The following ATPAF1 variants were observed in gnomAD, a reference collection of about 807,000 sequenced individuals.
ATPAF1 encodes ATP synthase mitochondrial F1 complex assembly factor 1, also known as homolog of yeast ATP11.
ATPAF1 carries 26 observed loss-of-function variants against 43.9 expected under a neutral mutation model. The ratio of observed to expected loss-of-function variants is 0.59; its 90% CI spans 0.43 to 0.82. The LOEUF (loss-of-function observed/expected upper bound fraction) is 0.82. ATPAF1 is among the 40% of genes least tolerant of loss of function. The probability of loss-of-function intolerance (pLI) is 0.00; values close to 1 mark genes in which losing one functional copy is unlikely to be tolerated. For synonymous variants in ATPAF1, 157 were observed against 168.0 expected, an observed-to-expected ratio of 0.93 and a Z score of 0.50; for missense variants, 366 against 435.0, an observed-to-expected ratio of 0.84 and a Z score of 1.41.
At chr1:46,655,114 G>C (rs1273865430) in intron 4 of ATPAF1, among the ~76,000 whole-genome samples, 1 of 152,136 alleles carries the variant, frequency 6.6e-6, no homozygotes, top group Non-Finnish European at 1.5e-5. Flanking sequence ...CAGATCTCGT[G>C]AGAACTCATT....
At chr1:46,663,580 T>C (rs1676436259) in intron 2 of ATPAF1, among the ~76,000 whole-genome samples, 1 of 152,206 alleles carries the variant, frequency 6.6e-6, no homozygotes, top group Non-Finnish European at 1.5e-5. Context: ...ATAAATGTCT[T>C]CTTTTGAGAA....
intron 8 of ATPAF1, among the ~76,000 whole-genome samples, chr1:46,642,370 T>G (rs1156803518): frequency 2.0e-5 from 3 of 152,146 alleles, no homozygotes; most frequent in African/African-American, 7.2e-5. Flanking sequence ...GTCCACTGTT[T>G]GGGGACATTC....
intron 8 of ATPAF1, among the ~76,000 whole-genome samples, chr1:46,638,316 A>T (rs1675877919): frequency 6.6e-6 from 1 of 152,176 alleles, no homozygotes; most frequent in South Asian, 2.1e-4. Context: ...GGGTCCTCCT[A>T]CTACTTTAAA....
chr1:46,657,965 A>G (rs1265269529), intron 4 of ATPAF1, among the ~76,000 whole-genome samples, 162 bp downstream of exon 4: 2 of 152,220 alleles, frequency 1.3e-5, no homozygotes, highest in Non-Finnish European at 2.9e-5. Context: ...GACAAAGAAG[A>G]CAAGTTTTCT....
intron 8 of ATPAF1, among the ~76,000 whole-genome samples, chr1:46,639,860 CAAT>C (rs1313043606): frequency 6.6e-6 from 1 of 152,134 alleles, no homozygotes; most frequent in East Asian, 1.9e-4. Context: ...CAAATTTTAA[CAAT>C]GATGAGAACT....
chr1:46,665,351 C>T, exon 2 of ATPAF1: 1 of 1,614,226 alleles, frequency 6.2e-7, no homozygotes, highest in South Asian at 1.1e-5. Context: ...GACTCAAAAG[C>T]AGCTGGGTCT....
At chr1:46,645,161 C>T (rs140170988) in exon 7 of ATPAF1, 21 of 1,611,558 alleles carry the variant, frequency 1.3e-5, no homozygotes, top group Non-Finnish European at 1.7e-5. Flanking sequence ...AGCCACCTAC[C>T]TGAATATTTA....
exon 9 of ATPAF1, chr1:46,635,290 T>G (rs1311640238): frequency 6.4e-6 from 1 of 155,824 alleles, no homozygotes; most frequent in Non-Finnish European, 1.4e-5. Flanking sequence ...ATCTGGTTAT[T>G]CTACAGTTTA....
At chr1:46,635,677 G>C (rs982549603) in exon 9 of ATPAF1, 2 of 1,209,200 alleles carry the variant, frequency 1.7e-6, no homozygotes, top group Non-Finnish European at 2.3e-6. Flanking sequence ...ATTACCAACT[G>C]CTCATTATAA....
At position 46,660,351 on chromosome 1, in the gene ATPAF1, T is replaced by G. The variant is rs143878237; in HGVS notation, c.376-1614A>C. ...ACAAAAACAAAACAAAACCTCCACT[T>G]GCACAGCTGCTTTCACCTTTCAGTC... On this transcript the variant is annotated intron_variant, in intron 2 of 8. Transcript: ENST00000574428. Among the ~76,000 whole-genome samples, 464 of 152,344 alleles carry G rather than the reference T, an allele frequency of 3.0e-3. 2 individuals are homozygous for G. The highest frequency in any genetic ancestry group is 0.01 in the African/African-American group (434 of 41,576).
At chr1:46,640,260 T>C (rs1003513668) in intron 8 of ATPAF1, among the ~76,000 whole-genome samples, 15 of 152,226 alleles carry the variant, frequency 9.9e-5, no homozygotes, top group African/African-American at 3.6e-4. Flanking sequence ...CTTGAAATAC[T>C]ATTTTTCTTT....
rs867117915 is a variant in ATPAF1 at position 46,654,567 on chromosome 1, T to A, written c.490-700A>T. 7.1e-3 allele frequency among the ~76,000 whole-genome samples: 764 copies of A among 107,018 alleles called. 9 individuals carry two copies. Among genetic ancestry groups the A allele is most frequent in the Admixed American group, 0.044 (423 of 9,652 alleles). The allele number at this position is 107,018 out of a possible 152,430, so 70.2% of individuals were successfully genotyped here. A position where few individuals can be genotyped will look rare whatever the true frequency, so the allele number is the denominator to read the frequency against. ...TATTATTATTATTATTATTGTACTTTAAGTTCTAGGGTACATGTGTACAAC... is the reference window on the plus strand; with the variant it reads ...TATTATTATTATTATTATTGTACTTAAAGTTCTAGGGTACATGTGTACAAC... On this transcript the variant is annotated intron_variant, in intron 4 of 8. Transcript: ENST00000574428.
chr1:46,641,236 G>T (rs574233587), intron 8 of ATPAF1, among the ~76,000 whole-genome samples: 1 of 149,328 alleles, frequency 6.7e-6, no homozygotes, highest in Non-Finnish European at 1.5e-5. Context: ...ATGCCACCAC[G>T]CCTGGCTAAT....
chr1:46,665,575 G>C (rs534958013), intron 1 of ATPAF1: 1 of 1,252,596 alleles, frequency 8.0e-7, no homozygotes, highest in East Asian at 2.5e-5. Flanking sequence ...ATCCTCAAGG[G>C]GCCTGTGTAA....
chr1:46,633,014 T>C (rs542008805), downstream of ATPAF1: 3 of 152,788 alleles, frequency 2.0e-5, no homozygotes, highest in Admixed American at 2.0e-4. Context: ...TTGTAAAGAA[T>C]AGATAAGGCA....
rs1380470669 is a variant in ATPAF1, at chr1:46,651,341, A to G, written c.588+1240T>C. Among the ~76,000 whole-genome samples, 46 of 150,936 alleles carry G rather than the reference A, an allele frequency of 3.0e-4. No individual in the cohort carries two copies. The East Asian group carries it at 7.7e-3, about 25-fold the overall frequency. ...AAAGGACATGAACTCATCATTTTTT[A>G]TGGCTGCATAGTATTCCATGGTGTA... On this transcript the variant is annotated intron_variant, in intron 6 of 8. Coordinates refer to ENST00000574428, the Ensembl canonical transcript of ATPAF1.
At chr1:46,665,321 C>T (rs1269647517) in exon 2 of ATPAF1, 2 of 1,614,266 alleles carry the variant, frequency 1.2e-6, no homozygotes, top group Non-Finnish European at 1.7e-6. Context: ...TTCCGAAATT[C>T]ACTGCGTTTC....
At chr1:46,644,861 A>G (rs1676011051) in intron 7 of ATPAF1, among the ~76,000 whole-genome samples, 1 of 152,232 alleles carries the variant, frequency 6.6e-6, no homozygotes, top group African/African-American at 2.4e-5. Context: ...GATAGCCATC[A>G]TAACTCAGGC....
chr1:46,646,618 T>G (rs1231257150), intron 6 of ATPAF1, among the ~76,000 whole-genome samples: 1 of 152,222 alleles, frequency 6.6e-6, no homozygotes, highest in Non-Finnish European at 1.5e-5. Context: ...TCCAATTTAT[T>G]ATTATTAGAT....
Sources: gnomAD v4.1 joint callset for allele counts (sites outside exome capture counted in the v4.1 genomes callset) on GRCh38, gnomAD v4.1.1 for gene constraint, MANE v1.5 for transcripts, NCBI Gene and HGNC (gene_info 2026-07-23, HGNC 2026-07-21) for gene names.